The following ANKRD12 variants were observed in gnomAD, a reference collection of about 807,000 sequenced individuals.
ANKRD12 encodes ankyrin repeat domain-containing protein 12.
In ANKRD12, 85 loss-of-function variants were observed where a neutral mutation model predicts 183.4. The ratio of observed to expected loss-of-function variants is 0.46; its 90% CI spans 0.39 to 0.56. ANKRD12 has a LOEUF of 0.56. Ranked by LOEUF, ANKRD12 falls within the 20% of genes least tolerant of loss-of-function variation. The pLI, the probability that ANKRD12 is intolerant of heterozygous loss-of-function variation, is 0.00. For missense variants in ANKRD12, 2,405 were observed against 2,357.1 expected (o/e 1.02, Z -0.42); for synonymous variants, 914 against 800.2 (o/e 1.14, Z -2.40).
At chr18:9,216,111 A>G (rs982291065) in intron 6 of ANKRD12, among the ~76,000 whole-genome samples, 1 of 151,670 alleles carries the variant, frequency 6.6e-6, no homozygotes, top group African/African-American at 2.4e-5. Context: ...GTATTAAAAC[A>G]TTTTTAGAGA....
intron 1 of ANKRD12, among the ~76,000 whole-genome samples, chr18:9,177,120 A>T (rs145923506): frequency 6.2e-4 from 95 of 152,044 alleles, no homozygotes; most frequent in African/African-American, 2.2e-3. Flanking sequence ...TGGCTTAAAC[A>T]GGAAAGTAGC....
chr18:9,260,288 T>G (rs1488713899), intron 9 of ANKRD12: 1 of 152,164 alleles, frequency 6.6e-6, no homozygotes, highest in Non-Finnish European at 1.5e-5. Context: ...ACAATAACTG[T>G]AATCCCAATA....
intron 8 of ANKRD12, among the ~76,000 whole-genome samples, chr18:9,236,845 C>G (rs1295482068): frequency 6.6e-6 from 1 of 152,114 alleles, no homozygotes; most frequent in Admixed American, 6.5e-5. Context: ...TGGCCAGATT[C>G]TTTAGCTATG....
In ANKRD12 at chr18:9,245,085, A is replaced by G. The variant is rs1311062125; in HGVS notation, c.944-9126A>G. On this transcript the variant is annotated intron_variant, in intron 8 of 12. Coordinates refer to ENST00000262126, the MANE Select transcript of ANKRD12 (RefSeq NM_015208.5). ...TTTTATGCACTTAGCCCATCTGAAT[A>G]AAAAAAGCCATATAAACAAATACCA... Among the ~76,000 whole-genome samples the G allele has an allele frequency of 2.6e-5, 4 of 152,220 alleles. 1 individual carries two copies. In the Middle Eastern group the frequency reaches 0.014, roughly 518 times the overall value.
At chr18:9,164,248 G>A (rs2031787575) in intron 1 of ANKRD12, among the ~76,000 whole-genome samples, 1 of 152,086 alleles carries the variant, frequency 6.6e-6, no homozygotes, top group Non-Finnish European at 1.5e-5. Context: ...TGAATTTTCT[G>A]AAGGCCTTTT....
At chr18:9,275,690 T>C in intron 11 of ANKRD12, 23 bp downstream of exon 11, 2 of 1,523,286 alleles carry the variant, frequency 1.3e-6, no homozygotes, top group Non-Finnish European at 1.8e-6. Context: ...TTGATACATT[T>C]AGAAGTAATG....
chr18:9,239,892 T>C (rs2037560285), intron 8 of ANKRD12, among the ~76,000 whole-genome samples: 1 of 152,140 alleles, frequency 6.6e-6, no homozygotes, highest in Non-Finnish European at 1.5e-5. Context: ...CTAAATGTGG[T>C]TTATTCATTA....
intron 1 of ANKRD12, among the ~76,000 whole-genome samples, chr18:9,179,173 T>C (rs2033514268): frequency 6.6e-6 from 1 of 152,232 alleles, no homozygotes; most frequent in Admixed American, 6.5e-5. Flanking sequence ...AGCTTCTTTG[T>C]AGATATCTTT....
At chr18:9,211,972 T>C (rs1234907388) in intron 6 of ANKRD12, among the ~76,000 whole-genome samples, 188 bp downstream of exon 6, 1 of 152,122 alleles carries the variant, frequency 6.6e-6, no homozygotes, top group African/African-American at 2.4e-5. Context: ...TGTCAATAAT[T>C]ACTCATATTT....
At chr18:9,231,914 T>TTTTCCATCCCC (rs58301521) in intron 8 of ANKRD12, among the ~76,000 whole-genome samples, 29,991 of 151,838 alleles carry the variant, frequency 0.2, 3,295 homozygotes, top group African/African-American at 0.29. Flanking sequence ...TGGAATATCT[T>TTTTCCATCCCC]TTATTTTCAA....
At chr18:9,166,583 ATTTG>A (rs2032094992) in intron 1 of ANKRD12, among the ~76,000 whole-genome samples, 1 of 151,976 alleles carries the variant, frequency 6.6e-6, no homozygotes, top group Admixed American at 6.6e-5. Context: ...TTTCTTGTAA[ATTTG>A]TTTGAGTTCA....
intron 11 of ANKRD12, among the ~76,000 whole-genome samples, chr18:9,279,258 G>A (rs934508975): frequency 1.3e-5 from 2 of 152,102 alleles, no homozygotes; most frequent in African/African-American, 4.8e-5. Context: ...AATGTCACGG[G>A]CACAGTACTT....
intron 11 of ANKRD12, among the ~76,000 whole-genome samples, chr18:9,277,625 C>A (rs1004796565): frequency 6.6e-6 from 1 of 151,678 alleles, no homozygotes; most frequent in Non-Finnish European, 1.5e-5. Context: ...CCGCGCCCGG[C>A]CGACACCCTG....
At chr18:9,141,648 A>G (rs1215226595) in intron 1 of ANKRD12, among the ~76,000 whole-genome samples, 1 of 152,202 alleles carries the variant, frequency 6.6e-6, no homozygotes, top group Non-Finnish European at 1.5e-5. Flanking sequence ...TTGGCTTTAA[A>G]AAAAATTCTA....
At chr18:9,195,030 C>T (rs1377878651) in intron 2 of ANKRD12, among the ~76,000 whole-genome samples, 1 of 152,074 alleles carries the variant, frequency 6.6e-6, no homozygotes, top group Non-Finnish European at 1.5e-5. Flanking sequence ...ATGTTTTTTG[C>T]ACAGCAACAT....
At chr18:9,216,638 CTT>C in intron 6 of ANKRD12, 118 bp from the exon 7 acceptor site, 2 of 949,530 alleles carry the variant, frequency 2.1e-6, no homozygotes, top group Non-Finnish European at 3.1e-6. Flanking sequence ...TTCATCACTC[CTT>C]TTTTTTTGCA....
At chr18:9,211,471 T>C in intron 5 of ANKRD12, 113 bp from the exon 6 acceptor site, 1 of 919,736 alleles carries the variant, frequency 1.1e-6, no homozygotes, top group Non-Finnish European at 1.6e-6. Flanking sequence ...GTTGTTAGGG[T>C]GAGAAGGCAT....
At chr18:9,139,497 A>G (rs568222042) in intron 1 of ANKRD12, among the ~76,000 whole-genome samples, 1 of 152,328 alleles carries the variant, frequency 6.6e-6, no homozygotes, top group African/African-American at 2.4e-5. Context: ...GCTGACACGT[A>G]AACTTTTCTT....
intron 10 of ANKRD12, among the ~76,000 whole-genome samples, chr18:9,266,380 C>T (rs1393146293): frequency 6.6e-6 from 1 of 152,200 alleles, no homozygotes; most frequent in African/African-American, 2.4e-5. Flanking sequence ...GGTTGGGTTA[C>T]CCACAAAGGG....
Sources: gnomAD v4.1 joint callset for allele counts (sites outside exome capture counted in the v4.1 genomes callset) on GRCh38, gnomAD v4.1.1 for gene constraint, MANE v1.5 for transcripts, NCBI Gene and HGNC (gene_info 2026-07-23, HGNC 2026-07-21) for gene names.